PAX7: variants seen among roughly 807,000 people sequenced by gnomAD.
PAX7 encodes paired box 7.
Under a neutral mutation model 50.7 loss-of-function variants are expected in PAX7, and 18 were observed. The observed-to-expected ratio is 0.36, with a 90% CI of 0.25 to 0.53. The LOEUF is 0.53. Among genes scored for constraint, PAX7 ranks in the 20% least tolerant of loss-of-function variants. PAX7 has a pLI of 0.93. For synonymous variants in PAX7, 310 were observed against 290.4 expected (o/e 1.07, Z -0.69); for missense variants, 644 against 702.9 (o/e 0.92, Z 0.95).
chr1:18,678,940 G>A (rs370262552), intron 4 of PAX7, among the ~76,000 whole-genome samples: 7 of 152,286 alleles, frequency 4.6e-5, no homozygotes, highest in Admixed American at 1.3e-4. Flanking sequence ...TGGCCGTCAC[G>A]GTCACTCTGC....
intron 6 of PAX7, 130 bp from the exon 7 acceptor site, chr1:18,702,962 TGA>T: frequency 1.2e-6 from 1 of 801,758 alleles, no homozygotes; most frequent in Non-Finnish European, 2.0e-6. Flanking sequence ...CCAGGTAGCA[TGA>T]GAGGGTGGTC....
Position 18,735,986 on chromosome 1 carries a change from T to C in PAX7, c.1402+108T>C, listed in dbSNP as rs1449179524. The C allele has an allele frequency of 1.9e-6, 3 of 1,612,390 alleles. No homozygotes were observed. Among genetic ancestry groups the C allele is most frequent in the Admixed American group, 1.7e-5 (1 of 59,880 alleles). ...CAAGGTGGTGTCAGGGTGGGGAATG[T>C]CCATTTCACAGATGGAAAAATTGAA... On this transcript the variant is annotated intron_variant, in intron 8 of 8. Transcript: ENST00000420770. This position sits in a 1 kb window ranked among gnomAD's most constrained non-coding sequence, Gnocchi z 4.0.
At position 18,636,491 on chromosome 1, in the gene PAX7, C is replaced by T; in HGVS notation, c.586+120C>T. 7.8e-7 allele frequency: 1 copy of T among 1,284,118 alleles called. No individual in the cohort carries two copies. Among genetic ancestry groups the T allele is most frequent in the Non-Finnish European group, 1.1e-6 (1 of 925,846 alleles). 79.5% of individuals were successfully genotyped at this position (1,284,118 alleles called of 1,614,324 possible). A position where few individuals can be genotyped will look rare whatever the true frequency, so the allele number is the denominator to read the frequency against. Reference sequence around the variant, plus strand: ...ACCAGAACTCCAGCGGAGAAACTCTCATGCTGCGGGGCAGCTGGGAGCCGC... The same window carrying T: ...ACCAGAACTCCAGCGGAGAAACTCTTATGCTGCGGGGCAGCTGGGAGCCGC... On this transcript the variant is annotated intron_variant, in intron 4 of 8. Transcript: ENST00000420770. This position sits in a 1 kb window ranked among gnomAD's most constrained non-coding sequence, Gnocchi z 5.1.
chr1:18,716,869 A>T (rs1310745675), intron 7 of PAX7, among the ~76,000 whole-genome samples: 1 of 143,078 alleles, frequency 7.0e-6, no homozygotes, highest in Non-Finnish European at 1.6e-5. Flanking sequence ...CCTCTCCCCC[A>T]CCCCCGTGTC....
intron 4 of PAX7, among the ~76,000 whole-genome samples, chr1:18,672,574 G>A (rs2088766175): frequency 6.7e-6 from 1 of 150,122 alleles, no homozygotes; most frequent in African/African-American, 2.5e-5. Flanking sequence ...GCCAAATGCG[G>A]CCCTAGACTG....
chr1:18,706,381 G>C (rs568419539), intron 7 of PAX7, among the ~76,000 whole-genome samples: 12 of 152,060 alleles, frequency 7.9e-5, no homozygotes, highest in Non-Finnish European at 1.5e-4. Flanking sequence ...CAGGATGGCA[G>C]GTCCCTGACA....
intron 7 of PAX7, among the ~76,000 whole-genome samples, chr1:18,724,085 G>A (rs1238940161): frequency 2.0e-5 from 3 of 152,252 alleles, no homozygotes; most frequent in African/African-American, 7.2e-5. Flanking sequence ...TGCGTGCTCG[G>A]TGGGCCGGCC....
chr1:18,668,725 C>A (rs1332806257), intron 4 of PAX7, among the ~76,000 whole-genome samples: 1 of 152,126 alleles, frequency 6.6e-6, no homozygotes, highest in Non-Finnish European at 1.5e-5. Context: ...AATGACATAA[C>A]AATAATAATA....
At chr1:18,637,194 G>A (rs2088174982) in intron 4 of PAX7, among the ~76,000 whole-genome samples, 1 of 152,188 alleles carries the variant, frequency 6.6e-6, no homozygotes, top group African/African-American at 2.4e-5. Flanking sequence ...CGGGAAAGGG[G>A]ATTGTGCTTT....
chr1:18,673,160 T>G (rs1161973462), intron 4 of PAX7, among the ~76,000 whole-genome samples: 1 of 152,184 alleles, frequency 6.6e-6, no homozygotes, highest in Non-Finnish European at 1.5e-5. Context: ...TGTGTGACCT[T>G]GGATAAATCA....
At position 18,719,624 on chromosome 1, in the gene PAX7, G is replaced by A. The variant is rs558000999; in HGVS notation, c.1156-16008G>A. Among the ~76,000 whole-genome samples, 30 of 152,346 alleles carry A rather than the reference G, an allele frequency of 2.0e-4. No homozygotes were observed. In the South Asian group the frequency reaches 5.8e-3, roughly 29 times the overall value. ...GCTGAAATTGAGACATACTGCCCAGGGGCAGAAGTTCCGGAGCCTCCCCGG... is the reference window on the plus strand; with the variant it reads ...GCTGAAATTGAGACATACTGCCCAGAGGCAGAAGTTCCGGAGCCTCCCCGG... On this transcript the variant is annotated intron_variant, in intron 7 of 8. Coordinates refer to ENST00000420770, the MANE Select transcript of PAX7 (RefSeq NM_001135254.2).
intron 2 of PAX7, 32 bp from the exon 3 acceptor site, chr1:18,635,079 C>T (rs993147367): frequency 1.2e-5 from 19 of 1,610,744 alleles, no homozygotes; most frequent in Non-Finnish European, 1.6e-5. Flanking sequence ...TCCCATCTTT[C>T]CACTCCTACT....
chr1:18,643,132 G>A (rs1464146130), intron 4 of PAX7, among the ~76,000 whole-genome samples: 1 of 152,184 alleles, frequency 6.6e-6, no homozygotes, highest in Non-Finnish European at 1.5e-5. Context: ...AAGAGGCCCC[G>A]AGGGCATTCT....
intron 4 of PAX7, among the ~76,000 whole-genome samples, chr1:18,659,922 G>A (rs2088575919): frequency 6.6e-6 from 1 of 152,236 alleles, no homozygotes; most frequent in African/African-American, 2.4e-5. Context: ...TGGAAGGGAA[G>A]AGTGACTGCA....
chr1:18,743,213 C>T (rs1931243917), intron 8 of PAX7, among the ~76,000 whole-genome samples: 2 of 152,196 alleles, frequency 1.3e-5, no homozygotes, highest in Admixed American at 1.3e-4. Flanking sequence ...TGTTACGATC[C>T]CCATTTTACA....
At chr1:18,685,275 G>A (rs908160201) in intron 4 of PAX7, among the ~76,000 whole-genome samples, 1 of 152,220 alleles carries the variant, frequency 6.6e-6, no homozygotes, top group Non-Finnish European at 1.5e-5. Context: ...GTAAACTGTA[G>A]AGTGTTGTGT....
At chr1:18,740,326 C>T (rs746930363) in intron 8 of PAX7, among the ~76,000 whole-genome samples, 1 of 152,170 alleles carries the variant, frequency 6.6e-6, no homozygotes, top group Non-Finnish European at 1.5e-5. Flanking sequence ...GCCTGGCAAG[C>T]TCCTACTGTG....
At chr1:18,647,685 C>T (rs1022163377) in intron 4 of PAX7, among the ~76,000 whole-genome samples, 1 of 152,140 alleles carries the variant, frequency 6.6e-6, no homozygotes, top group African/African-American at 2.4e-5. Flanking sequence ...ACAGGGCAAA[C>T]TGGGAGGCTG....
At position 18,700,182 on chromosome 1, in the gene PAX7, C is replaced by T. The variant is rs1208357984; in HGVS notation, c.787-471C>T. Among the ~76,000 whole-genome samples the T allele has an allele frequency of 6.6e-6, 1 of 151,620 alleles. No homozygotes were observed. The highest frequency in any genetic ancestry group is 1.5e-5 in the Non-Finnish European group (1 of 67,984). ...GGGCCTCAGTCTCCAGAGAAAGAAC[C>T]CGGCTTGCACATCTGGGTCTGAAGT... On this transcript the variant is annotated intron_variant, in intron 5 of 8. Transcript: ENST00000420770. This position sits in a 1 kb window ranked among gnomAD's most constrained non-coding sequence, Gnocchi z 4.8.
Sources: allele counts gnomAD v4.1 joint callset (sites outside exome capture counted in the v4.1 genomes callset), GRCh38; gene constraint gnomAD v4.1.1; non-coding constraint Gnocchi (gnomAD v3.1); transcripts MANE v1.5; gene names NCBI Gene and HGNC (gene_info 2026-07-23, HGNC 2026-07-21).